The following C1QTNF7 variants were observed in gnomAD, a reference collection of about 807,000 sequenced individuals.
C1QTNF7 encodes C1q and TNF related 7.
In C1QTNF7, 15 loss-of-function variants were observed where a neutral mutation model predicts 19.6. The ratio of observed to expected loss-of-function variants is 0.76; its 90% CI spans 0.51 to 1.18. The LOEUF is 1.18. C1QTNF7 is among the 50% of genes most tolerant of loss of function. The probability of loss-of-function intolerance (pLI) is 0.00; values close to 1 mark genes in which losing one functional copy is unlikely to be tolerated. For synonymous variants in C1QTNF7, 142 were observed against 137.5 expected (o/e 1.03, Z -0.23); for missense variants, 324 against 359.7 (o/e 0.90, Z 0.80).
At chr4:15,441,387 C>T (rs1469267911) in intron 2 of C1QTNF7, among the ~76,000 whole-genome samples, 1 of 152,190 alleles carries the variant, frequency 6.6e-6, no homozygotes, top group Non-Finnish European at 1.5e-5. Context: ...GTCCCTGGAA[C>T]ATAGTAAATC....
Position 15,439,042 on chromosome 4 carries a change from C to G in C1QTNF7, c.238+3061C>G, listed in dbSNP as rs568861544. Among the ~76,000 whole-genome samples, 3 of 152,286 alleles carry G rather than the reference C, an allele frequency of 2.0e-5. No individual in the cohort carries two copies. The South Asian group carries it at 6.2e-4, about 32-fold the overall frequency. Reference sequence around the variant, plus strand: ...ATGGAGAACTATAAAGAAATCCTTTCTGATCTAGTTTCAATACCTAAACAT... The same window carrying G: ...ATGGAGAACTATAAAGAAATCCTTTGTGATCTAGTTTCAATACCTAAACAT... On this transcript the variant is annotated intron_variant, in intron 2 of 2. Transcript: ENST00000444304.
intron 1 of C1QTNF7, among the ~76,000 whole-genome samples, chr4:15,352,432 C>A (rs1716973082): frequency 6.6e-6 from 1 of 152,242 alleles, no homozygotes; most frequent in East Asian, 1.9e-4. Flanking sequence ...GGATGCAACA[C>A]AAGAATTTAA....
At chr4:15,402,571 A>C (rs1227052993) in intron 1 of C1QTNF7, among the ~76,000 whole-genome samples, 6 of 152,214 alleles carry the variant, frequency 3.9e-5, no homozygotes, top group Non-Finnish European at 7.3e-5. Flanking sequence ...AACTGAAAAA[A>C]ATTGGGAGGC....
chr4:15,340,161 G>C (rs1418539502), exon 1 of C1QTNF7: 9 of 1,551,142 alleles, frequency 5.8e-6, no homozygotes, highest in Non-Finnish European at 7.8e-6. Flanking sequence ...AAGCAAGAAA[G>C]CCTCATGTTT....
rs751621752 is a variant in C1QTNF7 at position 15,442,797 on chromosome 4, T to C, written c.868T>C (p.Ter290ArgextTer8). 1.9e-6 allele frequency: 3 copies of C among 1,600,042 alleles called. No individual in the cohort carries two copies. Among genetic ancestry groups the C allele is most frequent in the Admixed American group, 1.7e-5 (1 of 58,994 alleles). ...TTCCATATCAGAAGATGATGAATTG[T>C]GATCAGGACCAAGATCCCTGTGGTA... ...LDSISEDDEL[*>R] Residue 290 changes from the stop codon to arginine, a stop_lost, in exon 3 of 3, where the codon TGA becomes CGA. Transcript: ENST00000444304.
chr4:15,404,981 A>T (rs1719140188), intron 1 of C1QTNF7, among the ~76,000 whole-genome samples: 1 of 152,216 alleles, frequency 6.6e-6, no homozygotes, highest in Non-Finnish European at 1.5e-5. Context: ...ATAATATTCC[A>T]TGGAATTAAT....
At chr4:15,354,682 A>G (rs1341476986) in intron 1 of C1QTNF7, among the ~76,000 whole-genome samples, 3 of 152,146 alleles carry the variant, frequency 2.0e-5, no homozygotes, top group East Asian at 3.9e-4. Context: ...AGTGAATTCC[A>G]GAAAATCTTC....
In C1QTNF7 at chr4:15,393,220, T is replaced by C. The variant is rs1215118655; in HGVS notation, c.14-42516T>C. Among the ~76,000 whole-genome samples, 4 of 152,222 alleles carry C rather than the reference T, an allele frequency of 2.6e-5. No individual in the cohort carries two copies. The East Asian group carries it at 5.8e-4, about 22-fold the overall frequency. ...TTCCACCATGATTGTGAGGCCTCCC[T>C]AGCCATGTGGAAATGTGAGTCCATT... On this transcript the variant is annotated intron_variant, in intron 1 of 2. Coordinates refer to the C1QTNF7 transcript ENST00000295297.
At chr4:15,400,295 C>T (rs1030140231) in intron 1 of C1QTNF7, among the ~76,000 whole-genome samples, 1 of 152,222 alleles carries the variant, frequency 6.6e-6, no homozygotes, top group Non-Finnish European at 1.5e-5. Flanking sequence ...AAGGCAGCAG[C>T]TCCCACGGCT....
intron 1 of C1QTNF7, among the ~76,000 whole-genome samples, chr4:15,408,783 G>A (rs1290019821): frequency 2.6e-5 from 4 of 152,122 alleles, no homozygotes; most frequent in African/African-American, 9.7e-5. Context: ...CTGCTCATTG[G>A]TGGAGAGGAT....
intron 1 of C1QTNF7, among the ~76,000 whole-genome samples, chr4:15,393,303 A>G (rs754147807): frequency 3.3e-5 from 5 of 152,150 alleles, no homozygotes; most frequent in Admixed American, 6.5e-5. Flanking sequence ...AGCAGCATGA[A>G]AACAGACTAG....
At chr4:15,420,782 AT>A (rs199574014) in intron 1 of C1QTNF7, among the ~76,000 whole-genome samples, 2,046 of 133,248 alleles carry the variant, frequency 0.015, 11 homozygotes, top group South Asian at 0.045. Flanking sequence ...AGACATGAAG[AT>A]TTCTGCTAGT....
upstream of C1QTNF7, among the ~76,000 whole-genome samples, chr4:15,425,049 T>G (rs1379411379): frequency 6.6e-6 from 1 of 151,832 alleles, no homozygotes; most frequent in Admixed American, 6.6e-5. Context: ...AATAAATAAG[T>G]GATGAAGTAA....
intron 1 of C1QTNF7, among the ~76,000 whole-genome samples, chr4:15,382,920 C>G (rs4515160): frequency 0.23 from 35,271 of 152,158 alleles, 4,517 homozygotes; most frequent in East Asian, 0.29. Flanking sequence ...ATTACATGTT[C>G]ATTGAACAAA....
At chr4:15,407,966 G>A (rs894872249) in intron 1 of C1QTNF7, among the ~76,000 whole-genome samples, 3 of 152,030 alleles carry the variant, frequency 2.0e-5, no homozygotes, top group South Asian at 2.1e-4. Context: ...ATATATGTGC[G>A]TATATACAGA....
chr4:15,403,825 T>C (rs1248283479), intron 1 of C1QTNF7, among the ~76,000 whole-genome samples: 1 of 152,198 alleles, frequency 6.6e-6, no homozygotes, highest in African/African-American at 2.4e-5. Context: ...TCCAATAAAA[T>C]AGTTGTATTC....
Position 15,415,022 on chromosome 4 carries a change from A to T in C1QTNF7, c.14-20714A>T, listed in dbSNP as rs59242050. 2.8e-3 allele frequency among the ~76,000 whole-genome samples: 433 copies of T among 152,280 alleles called. 2 individuals are homozygous for T. Among genetic ancestry groups the T allele is most frequent in the African/African-American group, 0.01 (420 of 41,554 alleles). ...ACATGAGTGCGCATACCCTTACATC[A>T]CTCAGACCGCTAAGATTAATAGACA... is the stretch of plus-strand genomic sequence containing the variant. On this transcript the variant is annotated intron_variant, in intron 1 of 2. Coordinates refer to the C1QTNF7 transcript ENST00000295297.
chr4:15,432,343 C>A (rs1437700258), intron 1 of C1QTNF7, among the ~76,000 whole-genome samples: 1 of 152,212 alleles, frequency 6.6e-6, no homozygotes, highest in East Asian at 1.9e-4. Context: ...ACTTGACTGA[C>A]CAGTCACCAT....
At chr4:15,435,077 T>C (rs1013542909) in intron 1 of C1QTNF7, among the ~76,000 whole-genome samples, 3 of 152,216 alleles carry the variant, frequency 2.0e-5, no homozygotes, top group Admixed American at 6.5e-5. Context: ...AAAGATTAGC[T>C]AGAATGATGT....
Sources: gnomAD v4.1 joint callset for allele counts (sites outside exome capture counted in the v4.1 genomes callset) on GRCh38, gnomAD v4.1.1 for gene constraint, MANE v1.5 for transcripts, NCBI Gene and HGNC (gene_info 2026-07-23, HGNC 2026-07-21) for gene names.